Variants in PHKB observed in about 807,000 individuals in gnomAD.
PHKB encodes the protein phosphorylase b kinase regulatory subunit beta.
PHKB carries 122 observed loss-of-function variants against 152.1 expected under a neutral mutation model. The ratio of observed to expected loss-of-function variants is 0.80; its 90% CI spans 0.69 to 0.93. PHKB has a LOEUF of 0.93. PHKB is among the 40% of genes least tolerant of loss of function. The probability of loss-of-function intolerance (pLI) is 0.00; values close to 1 mark genes in which losing one functional copy is unlikely to be tolerated. For missense variants in PHKB, 1,304 were observed against 1,328.4 expected (o/e 0.98, Z 0.29); for synonymous variants, 436 against 464.9 (o/e 0.94, Z 0.80).
chr16:47,683,750 C>T (rs996961310), intron 26 of PHKB, among the ~76,000 whole-genome samples: 72 of 152,144 alleles, frequency 4.7e-4, no homozygotes, highest in African/African-American at 1.6e-3. Flanking sequence ...GGCTCGTGCA[C>T]GGTGCACTTC....
rs1597112184 is a variant in PHKB, at chr16:47,596,603, T to C, written c.1363+72T>C. 4.2e-6 allele frequency: 6 copies of C among 1,430,130 alleles called. No homozygotes were observed. In the East Asian group the frequency reaches 1.4e-4, roughly 33 times the overall value. The allele number at this position is 1,430,130 out of a possible 1,614,324, so 88.6% of individuals were successfully genotyped here. On this transcript the variant is annotated intron_variant, in intron 13 of 30. Coordinates refer to ENST00000323584, the MANE Select transcript of PHKB (RefSeq NM_000293.3). ...CTATTAGAAATAAATATGCCTTTGC[T>C]GGTGTTTATGTTGGATTTGGGTGGT...
intron 26 of PHKB, among the ~76,000 whole-genome samples, chr16:47,687,857 A>G (rs987502835): frequency 3.9e-5 from 6 of 152,206 alleles, no homozygotes; most frequent in African/African-American, 1.2e-4. Context: ...CCTGTGGCTT[A>G]TGGCCTGGCC....
intron 30 of PHKB, 38 bp from the exon 31 acceptor site, chr16:47,699,191 A>G (rs1242713268): frequency 1.2e-6 from 2 of 1,609,460 alleles, no homozygotes; most frequent in South Asian, 1.1e-5. Context: ...CTTTACAAAC[A>G]GAAGATCGAA....
At chr16:47,463,542 G>C (rs1969613283) in intron 1 of PHKB, 1 of 196,872 alleles carries the variant, frequency 5.1e-6, no homozygotes, top group Admixed American at 5.4e-5. Flanking sequence ...TATATAAATG[G>C]AGCTTTGTTA....
At chr16:47,545,016 C>A (rs534804078) in intron 6 of PHKB, among the ~76,000 whole-genome samples, 1 of 152,162 alleles carries the variant, frequency 6.6e-6, no homozygotes, top group Admixed American at 6.6e-5. Context: ...CTCCTGAGTA[C>A]AGCATACTGA....
chr16:47,660,813 A>C lies in PHKB; in HGVS notation c.2190A>C (p.Lys730Asn), dbSNP rs1455152952. The stretch of plus-strand genomic sequence containing the variant: ...AACCCACCCACGAAATTCTTCAAAA[A>C]CTGAATGTGAGACAGATGCACTTCC... ...KDKPTHEILQ[K>N]LNDCSCLASQ... is the part of the protein sequence containing the mutation. Residue 730 changes from lysine to asparagine, a missense_variant, in exon 22 of 31, where the codon AAA becomes AAC. Transcript: ENST00000323584. The C allele has an allele frequency of 6.2e-7, 1 of 1,613,784 alleles. No individual in the cohort carries two copies. Among genetic ancestry groups the C allele is most frequent in the Admixed American group, 1.7e-5 (1 of 59,980 alleles).
In PHKB at chr16:47,498,029, CTTTG is replaced by C. The variant is rs939156484; in HGVS notation, c.166+547_166+550del. Among the ~76,000 whole-genome samples the C allele has an allele frequency of 3.3e-5, 5 of 152,136 alleles. No individual in the cohort carries two copies. The East Asian group carries it at 5.8e-4, about 18-fold the overall frequency. ...TCAGATATGTGTATAAGGGCCTCCT[CTTTG>C]TTTGTCAGACCATCTATTAGAATGC... On this transcript the variant is annotated intron_variant, in intron 2 of 30. Transcript: ENST00000323584.
chr16:47,696,687 C>T (rs887180247), intron 29 of PHKB, among the ~76,000 whole-genome samples, 199 bp downstream of exon 29: 2 of 152,108 alleles, frequency 1.3e-5, no homozygotes, highest in Non-Finnish European at 2.9e-5. Context: ...CCACCCCTGA[C>T]CCAAGGCAAG....
intron 25 of PHKB, among the ~76,000 whole-genome samples, chr16:47,667,160 T>G (rs1973552646): frequency 6.6e-6 from 1 of 152,038 alleles, no homozygotes; most frequent in Non-Finnish European, 1.5e-5. Flanking sequence ...CTGCTGGGCA[T>G]GGTGGCTCAC....
At position 47,672,377 on chromosome 16, in the gene PHKB, T is replaced by A. The variant is rs769508916; in HGVS notation, c.2630+2960T>A. 1.3e-5 allele frequency among the ~76,000 whole-genome samples: 2 copies of A among 152,188 alleles called. 1 individual carries two copies. The highest frequency in any genetic ancestry group is 4.1e-4 in the South Asian group (2 of 4,834). On this transcript the variant is annotated intron_variant, in intron 26 of 30. Coordinates refer to ENST00000323584, the MANE Select transcript of PHKB (RefSeq NM_000293.3). The stretch of plus-strand genomic sequence containing the variant: ...CCACATGAGGATAGAGAAATGGTTC[T>A]TTCATGTGAGCTAACTCCAAATGAA...
Position 47,650,641 on chromosome 16 carries a change from G to GAAGT in PHKB, c.1880+19_1880+22dup. The GAAGT allele has an allele frequency of 6.5e-7, 1 of 1,545,624 alleles. No homozygotes were observed. The highest frequency in any genetic ancestry group is 8.9e-7 in the Non-Finnish European group (1 of 1,117,634). On this transcript the variant is annotated intron_variant, in intron 19 of 30. Coordinates refer to ENST00000323584, the MANE Select transcript of PHKB (RefSeq NM_000293.3). ...GACAATATAAGGTAGGTTGATAAAAGAAGTAAGGTACGTGTGTCTCACTGA... is the reference window on the plus strand; with the variant it reads ...GACAATATAAGGTAGGTTGATAAAAGAAGTAAGTAAGGTACGTGTGTCTCACTGA...
At chr16:47,613,117 A>G (rs950581999) in intron 14 of PHKB, among the ~76,000 whole-genome samples, 74 of 152,190 alleles carry the variant, frequency 4.9e-4, no homozygotes, top group African/African-American at 1.7e-3. Context: ...GAAAGAAGGT[A>G]TGTCAGGGAT....
chr16:47,502,788 TCTGC>T (rs764179329), intron 3 of PHKB, among the ~76,000 whole-genome samples, 199 bp from the exon 4 acceptor site: 4 of 152,220 alleles, frequency 2.6e-5, no homozygotes, highest in Non-Finnish European at 4.4e-5. Context: ...GAAGGAAAAA[TCTGC>T]CTAAGTTTCA....
chr16:47,547,228 G>C (rs1007975469), intron 6 of PHKB, among the ~76,000 whole-genome samples: 4 of 152,048 alleles, frequency 2.6e-5, no homozygotes, highest in African/African-American at 9.7e-5. Flanking sequence ...TTCGTATTCG[G>C]CTGTCTTGGA....
At chr16:47,488,473 GT>G (rs1000542380) in intron 1 of PHKB, among the ~76,000 whole-genome samples, 2 of 152,084 alleles carry the variant, frequency 1.3e-5, no homozygotes, top group African/African-American at 4.8e-5. Flanking sequence ...TTTTGTTTTT[GT>G]TTTTGTTGCA....
intron 23 of PHKB, 109 bp downstream of exon 23, chr16:47,661,909 C>G: frequency 2.5e-6 from 2 of 785,272 alleles, no homozygotes; most frequent in South Asian, 1.4e-5. Context: ...TTTCCCCTTT[C>G]ATTAAACCTT....
intron 6 of PHKB, among the ~76,000 whole-genome samples, chr16:47,525,349 C>G (rs1324143233): frequency 1.3e-5 from 2 of 151,950 alleles, no homozygotes; most frequent in Admixed American, 6.6e-5. Context: ...TAAGGCAGAG[C>G]ATTAAAAAGA....
chr16:47,653,215 G>A (rs1312517048), intron 20 of PHKB, among the ~76,000 whole-genome samples: 2 of 152,170 alleles, frequency 1.3e-5, no homozygotes, highest in African/African-American at 4.8e-5. Flanking sequence ...AAGCAGGGTG[G>A]AGGAAGGGAA....
At chr16:47,662,495 T>C (rs1973461802) in intron 23 of PHKB, among the ~76,000 whole-genome samples, 2 of 152,196 alleles carry the variant, frequency 1.3e-5, no homozygotes, top group African/African-American at 4.8e-5. Context: ...AGGTGTGTGT[T>C]GATATGGTTA....
Sources: gnomAD v4.1 joint callset for allele counts (sites outside exome capture counted in the v4.1 genomes callset) on GRCh38, gnomAD v4.1.1 for gene constraint, MANE v1.5 for transcripts, NCBI Gene and HGNC (gene_info 2026-07-23, HGNC 2026-07-21) for gene names.